The following SNX13 variants were observed in gnomAD, a reference collection of about 807,000 sequenced individuals.
SNX13 encodes sorting nexin-13.
SNX13 carries 45 observed loss-of-function variants against 133.6 expected under a neutral mutation model. The ratio of observed to expected loss-of-function variants is 0.34; its 90% CI spans 0.27 to 0.43. The LOEUF is 0.43. Among genes scored for constraint, SNX13 ranks in the 20% least tolerant of loss-of-function variants. The pLI is 1.00. For synonymous variants in SNX13, 414 were observed against 373.9 expected, an observed-to-expected ratio of 1.11 and a Z score of -1.24; for missense variants, 1,032 against 1,145.1, an observed-to-expected ratio of 0.90 and a Z score of 1.43.
chr7:17,807,387 C>G (rs1354342369), intron 20 of SNX13, among the ~76,000 whole-genome samples: 4 of 152,198 alleles, frequency 2.6e-5, no homozygotes, highest in Admixed American at 6.5e-5. Context: ...GAGCCCACCA[C>G]AACTCAGCAA....
intron 23 of SNX13, 124 bp from the exon 24 acceptor site, chr7:17,798,882 T>C: frequency 2.4e-6 from 3 of 1,246,806 alleles, no homozygotes; most frequent in Non-Finnish European, 3.4e-6. Context: ...AACAGACTGC[T>C]TTAATGATGT....
chr7:17,801,903 T>A, intron 21 of SNX13, among the ~76,000 whole-genome samples: 1 of 152,118 alleles, frequency 6.6e-6, no homozygotes, highest in Non-Finnish European at 1.5e-5. Context: ...TCAGTCAAAC[T>A]CCCATATTTT....
rs200645406 is a variant in SNX13 at position 17,909,127 on chromosome 7, C to CA, written c.13-11682dup. ...CACTAATCATTAGAGAAATGCTAAT[C>CA]AAAAAAAAATTAAAAAAAACATGAG... On this transcript the variant is annotated intron_variant, in intron 1 of 25. Coordinates refer to ENST00000428135, the MANE Select transcript of SNX13 (RefSeq NM_015132.5). Among the ~76,000 whole-genome samples, 763 of 150,168 alleles carry CA rather than the reference C, an allele frequency of 5.1e-3. 5 individuals are homozygous for CA. The highest frequency in any genetic ancestry group is 0.018 in the African/African-American group (728 of 40,924).
intron 20 of SNX13, among the ~76,000 whole-genome samples, chr7:17,810,135 G>A (rs1471121721): frequency 1.3e-5 from 2 of 152,106 alleles, no homozygotes; most frequent in South Asian, 2.1e-4. Context: ...AGAACTGAAG[G>A]AGATAGAGAC....
intron 2 of SNX13, among the ~76,000 whole-genome samples, chr7:17,897,081 C>T (rs1797288805): frequency 6.6e-6 from 1 of 152,032 alleles, no homozygotes; most frequent in Admixed American, 6.5e-5. Context: ...AAACTTTACA[C>T]ATTATCACCA....
intron 1 of SNX13, among the ~76,000 whole-genome samples, chr7:17,936,300 G>T (rs1368328172): frequency 6.6e-6 from 1 of 152,166 alleles, no homozygotes; most frequent in Non-Finnish European, 1.5e-5. Flanking sequence ...ACTTCTCAAA[G>T]TGCTGCATTT....
At chr7:17,867,284 C>T (rs973285864) in intron 9 of SNX13, among the ~76,000 whole-genome samples, 2 of 152,072 alleles carry the variant, frequency 1.3e-5, no homozygotes, top group Non-Finnish European at 2.9e-5. Context: ...ACAATCTGGT[C>T]GAAGGGTAAA....
chr7:17,850,708 G>T, intron 10 of SNX13, 118 bp downstream of exon 10: 1 of 830,696 alleles, frequency 1.2e-6, no homozygotes, highest in East Asian at 3.0e-5. Flanking sequence ...TAATAAGGAA[G>T]ATTTAATTAA....
At chr7:17,890,718 A>T (rs1796533966) in intron 4 of SNX13, among the ~76,000 whole-genome samples, 1 of 151,962 alleles carries the variant, frequency 6.6e-6, no homozygotes, top group Non-Finnish European at 1.5e-5. Context: ...TAAAAAAAAA[A>T]ATAAAATAAA....
intron 21 of SNX13, 118 bp downstream of exon 21, chr7:17,803,301 T>C (rs1784837119): frequency 2.1e-6 from 2 of 931,930 alleles, no homozygotes; most frequent in South Asian, 2.2e-5. Flanking sequence ...ACTATGTGTC[T>C]AGCAATGTTT....
intron 5 of SNX13, among the ~76,000 whole-genome samples, chr7:17,886,294 G>A (rs558047381): frequency 6.6e-6 from 1 of 152,210 alleles, no homozygotes; most frequent in Admixed American, 6.5e-5. Flanking sequence ...TCGCTGGGGG[G>A]CACAGTGACT....
chr7:17,794,042 G>A lies in SNX13; in HGVS notation c.*3C>T, dbSNP rs1783795382. ...ATGAACACCAGCTTCATAGAGTGGAGTGTCACCTTTTCTGCAAAGAAGGCG... is the reference window on the plus strand; with the variant it reads ...ATGAACACCAGCTTCATAGAGTGGAATGTCACCTTTTCTGCAAAGAAGGCG... On this transcript the variant is annotated 3_prime_UTR_variant, in exon 26 of 26. Transcript: ENST00000428135. 1 of 1,610,498 alleles carries A rather than the reference G, an allele frequency of 6.2e-7. No homozygotes were observed. The highest frequency in any genetic ancestry group is 1.3e-5 in the African/African-American group (1 of 74,744).
chr7:17,875,372 G>T, intron 7 of SNX13, 108 bp downstream of exon 7: 1 of 752,334 alleles, frequency 1.3e-6, no homozygotes, highest in Non-Finnish European at 2.1e-6. Context: ...TCTTTACTAT[G>T]CTACCTGCCC....
rs533308211 is a variant in SNX13, at chr7:17,815,483, G to C, written c.1954-539C>G. ...ACCTGTAGTCCTAGCTACTCAGCAG[G>C]CTGAGGCAGGATGATCCCTCGAGCC... On this transcript the variant is annotated intron_variant, in intron 19 of 25. Transcript: ENST00000428135. Among the ~76,000 whole-genome samples, 6 of 152,230 alleles carry C rather than the reference G, an allele frequency of 3.9e-5. No individual in the cohort carries two copies. The South Asian group carries it at 1.2e-3, about 32-fold the overall frequency.
intron 5 of SNX13, among the ~76,000 whole-genome samples, chr7:17,878,390 T>TTA (rs1794963902): frequency 1.3e-5 from 2 of 152,160 alleles, no homozygotes; most frequent in Non-Finnish European, 2.9e-5. Flanking sequence ...TTGAAAACAT[T>TTA]TATAGTAGGC....
chr7:17,868,149 A>C (rs1793625139), intron 9 of SNX13: 3 of 367,076 alleles, frequency 8.2e-6, no homozygotes, highest in Non-Finnish European at 4.9e-6. Flanking sequence ...ACAGGTAGTA[A>C]AATATTCTAT....
chr7:17,905,498 T>G (rs1340261085), intron 1 of SNX13, among the ~76,000 whole-genome samples: 1 of 152,212 alleles, frequency 6.6e-6, no homozygotes, highest in East Asian at 1.9e-4. Flanking sequence ...TAGAACTCCT[T>G]TTAAATTGTC....
At chr7:17,900,415 A>C (rs1391470158) in intron 1 of SNX13, among the ~76,000 whole-genome samples, 5 of 152,306 alleles carry the variant, frequency 3.3e-5, no homozygotes, top group African/African-American at 1.2e-4. Flanking sequence ...AGTTTCTCCC[A>C]TTCCTGGGCA....
chr7:17,852,891 A>G (rs1210808866), intron 9 of SNX13, among the ~76,000 whole-genome samples: 1 of 152,244 alleles, frequency 6.6e-6, no homozygotes, highest in Non-Finnish European at 1.5e-5. Context: ...AATATAAAAT[A>G]TACATGCATA....
Sources: allele counts gnomAD v4.1 joint callset (sites outside exome capture counted in the v4.1 genomes callset), GRCh38; gene constraint gnomAD v4.1.1; transcripts MANE v1.5; gene names NCBI Gene and HGNC (gene_info 2026-07-23, HGNC 2026-07-21).